The following RAB17 variants were observed in gnomAD, a reference collection of about 807,000 sequenced individuals.
RAB17 encodes ras-related protein Rab-17.
RAB17 carries 15 observed loss-of-function variants against 19.3 expected under a neutral mutation model. The observed-to-expected ratio is 0.78, with a 90% CI of 0.52 to 1.20. RAB17 has a LOEUF of 1.20. Ranked by LOEUF, RAB17 falls within the 50% of genes most tolerant of loss-of-function variation. The pLI is 0.00. For missense variants in RAB17, 262 were observed against 269.3 expected (o/e 0.97, Z 0.19); for synonymous variants, 110 against 112.8 (o/e 0.97, Z 0.16).
At chr2:237,587,970 G>A (rs186501410) in intron 1 of RAB17, among the ~76,000 whole-genome samples, 6 of 152,270 alleles carry the variant, frequency 3.9e-5, no homozygotes, top group Admixed American at 3.3e-4. Context: ...CTAGCACATA[G>A]TAAGTACTAA....
intron 2 of RAB17, chr2:237,578,369 G>T: frequency 2.0e-6 from 1 of 498,058 alleles, no homozygotes; most frequent in Non-Finnish European, 3.6e-6. Context: ...GATTGCTATG[G>T]GGCCTTTGGA....
chr2:237,585,690 C>T (rs2149188854), intron 2 of RAB17: 1 of 241,408 alleles, frequency 4.1e-6, no homozygotes, highest in African/African-American at 2.3e-5. Flanking sequence ...CTGTCCCTTC[C>T]ACCAGCATAA....
chr2:237,580,759 G>T lies in RAB17; in HGVS notation c.158-2604C>A, dbSNP rs567690889. Among the ~76,000 whole-genome samples the T allele has an allele frequency of 4.6e-5, 7 of 152,028 alleles. No individual in the cohort carries two copies. The South Asian group carries it at 1.5e-3, about 32-fold the overall frequency. On this transcript the variant is annotated intron_variant, in intron 2 of 5. Transcript: ENST00000264601. ...AGACTCTGCCTCAAAAAAAGAAGGG[G>T]GGGGAGGAGGGGAGGGAAAATGATG...
chr2:237,580,947 C>T (rs576863843), intron 2 of RAB17, among the ~76,000 whole-genome samples: 32 of 152,182 alleles, frequency 2.1e-4, no homozygotes, highest in Non-Finnish European at 4.0e-4. Context: ...CTCAGGTGGG[C>T]CCCTGGACAG....
At chr2:237,584,978 G>A (rs1198465040) in intron 2 of RAB17, among the ~76,000 whole-genome samples, 1 of 152,186 alleles carries the variant, frequency 6.6e-6, no homozygotes, top group Non-Finnish European at 1.5e-5. Context: ...ACTAGCTCTG[G>A]GAGTCGGGCC....
At position 237,574,400 on chromosome 2, in the gene RAB17, A is replaced by G; in HGVS notation, c.*619T>C. 6.5e-7 allele frequency: 1 copy of G among 1,535,360 alleles called. No homozygotes were observed. Among genetic ancestry groups the G allele is most frequent in the South Asian group, 1.2e-5 (1 of 82,178 alleles). On this transcript the variant is annotated 3_prime_UTR_variant, in exon 6 of 6. Coordinates refer to ENST00000264601, the MANE Select transcript of RAB17 (RefSeq NM_022449.4). ...ACTTATATCTCAGGCGAAATGTCTC[A>G]GAATCTTCCTGCTCATTGGACAGAA... is the stretch of plus-strand genomic sequence containing the variant.
At chr2:237,579,255 T>G (rs2081290339) in intron 2 of RAB17, 1 of 152,158 alleles carries the variant, frequency 6.6e-6, no homozygotes, top group African/African-American at 2.4e-5. Context: ...GAGCCACATG[T>G]TTAAAATAAA....
chr2:237,588,485 T>A (rs1034496689), intron 1 of RAB17, among the ~76,000 whole-genome samples: 9 of 152,116 alleles, frequency 5.9e-5, no homozygotes, highest in African/African-American at 1.9e-4. Flanking sequence ...CAGCAGATGA[T>A]CCGCTCAAGT....
chr2:237,579,504 T>C (rs1389490857), intron 2 of RAB17: 6 of 152,302 alleles, frequency 3.9e-5, no homozygotes, highest in Non-Finnish European at 8.8e-5. Context: ...CACCCCCATC[T>C]CTGGCTCTGT....
At chr2:237,586,194 A>G (rs755665382) in intron 1 of RAB17, 37 bp from the exon 2 acceptor site, 7 of 1,546,918 alleles carry the variant, frequency 4.5e-6, no homozygotes, top group Middle Eastern at 3.6e-4. Flanking sequence ...CAAGTGGAAC[A>G]TCGGAGCCAC....
At chr2:237,584,296 C>T (rs553128435) in intron 2 of RAB17, among the ~76,000 whole-genome samples, 4 of 152,204 alleles carry the variant, frequency 2.6e-5, no homozygotes, top group South Asian at 4.2e-4. Flanking sequence ...ACGCTCCAAC[C>T]GGGCATCTCG....
intron 2 of RAB17, among the ~76,000 whole-genome samples, chr2:237,580,695 T>G (rs940526055): frequency 6.8e-6 from 1 of 147,680 alleles, no homozygotes; most frequent in African/African-American, 2.5e-5. Flanking sequence ...GCCAAGATTG[T>G]GCCACTGCAC....
intron 2 of RAB17, among the ~76,000 whole-genome samples, chr2:237,583,657 G>A (rs1299833259): frequency 1.3e-5 from 2 of 152,172 alleles, no homozygotes; most frequent in Non-Finnish European, 2.9e-5. Context: ...GTTGTGCCAC[G>A]GGCCACAGCC....
rs551513794 is a variant in RAB17 at position 237,578,282 on chromosome 2, G to A, written c.158-127C>T. 1,294 of 865,992 alleles carry A rather than the reference G, an allele frequency of 1.5e-3. 21 individuals carry two copies. The South Asian group carries it at 0.022, about 15-fold the overall frequency. 53.6% of individuals were successfully genotyped at this position (865,992 alleles called of 1,614,324 possible). A position where few individuals can be genotyped will look rare whatever the true frequency, so the allele number is the denominator to read the frequency against. On this transcript the variant is annotated intron_variant, in intron 2 of 5. Transcript: ENST00000264601. Reference sequence around the variant, plus strand: ...GGACAGCTGGCCATGCATCTCCCACGCCCGCATGGCCAGGAGGTTGAGCAA... The same window carrying A: ...GGACAGCTGGCCATGCATCTCCCACACCCGCATGGCCAGGAGGTTGAGCAA...
In RAB17 at chr2:237,590,611, C is replaced by A. The variant is rs755797732; in HGVS notation, c.-148G>T. ...CACAGGCAGGACAGGACAGGAGGAG[C>A]CTCTACTCCAATGGAAAACAGCCGC... On this transcript the variant is annotated 5_prime_UTR_variant, in exon 1 of 6. Transcript: ENST00000264601. The A allele has an allele frequency of 2.0e-5, 3 of 152,500 alleles. No homozygotes were observed. Among genetic ancestry groups the A allele is most frequent in the Non-Finnish European group, 4.4e-5 (3 of 68,302 alleles). 9.4% of individuals were successfully genotyped at this position (152,500 alleles called of 1,614,324 possible).
intron 2 of RAB17, 196 bp from the exon 3 acceptor site, chr2:237,578,351 T>C (rs1055066830): frequency 2.7e-5 from 15 of 548,026 alleles, no homozygotes; most frequent in Middle Eastern, 4.7e-4. Context: ...GAGCAAAGTG[T>C]TGGGAGTGAT....
intron 5 of RAB17, 63 bp downstream of exon 5, chr2:237,575,324 C>A: frequency 1.5e-6 from 2 of 1,350,320 alleles, no homozygotes. Flanking sequence ...GCAACAGGGA[C>A]CCAGGGAAGT....
At chr2:237,585,244 A>G (rs867195797) in intron 2 of RAB17, among the ~76,000 whole-genome samples, 1 of 152,246 alleles carries the variant, frequency 6.6e-6, no homozygotes, top group African/African-American at 2.4e-5. Flanking sequence ...CAGCTTATCC[A>G]TGTCAGAGTC....
At chr2:237,584,574 A>C (rs1284668840) in intron 2 of RAB17, among the ~76,000 whole-genome samples, 1 of 152,212 alleles carries the variant, frequency 6.6e-6, no homozygotes, top group Non-Finnish European at 1.5e-5. Context: ...CCTTACTCAC[A>C]AAACAACAAG....
Sources: allele counts gnomAD v4.1 joint callset (sites outside exome capture counted in the v4.1 genomes callset), GRCh38; gene constraint gnomAD v4.1.1; transcripts MANE v1.5; gene names NCBI Gene and HGNC (gene_info 2026-07-23, HGNC 2026-07-21).